DMD: variants seen among roughly 807,000 people sequenced by gnomAD.
The protein encoded by DMD is dystrophin.
In DMD, 63 loss-of-function variants were observed where a neutral mutation model predicts 330.1. The observed-to-expected ratio is 0.19, with a 90% CI of 0.16 to 0.24. The LOEUF (loss-of-function observed/expected upper bound fraction) is 0.24, where lower values mean the gene tolerates loss of function less well. Ranked by LOEUF, DMD falls within the 10% of genes least tolerant of loss-of-function variation. The pLI, the probability that DMD is intolerant of heterozygous loss-of-function variation, is 1.00. For synonymous variants in DMD, 1,223 were observed against 959.8 expected (o/e 1.27, Z -5.07); for missense variants, 3,344 against 2,684.1 (o/e 1.25, Z -5.43).
chrX:32,234,102 C>T (rs911301583), intron 43 of DMD, among the ~76,000 whole-genome samples: 3 of 111,403 alleles, frequency 2.7e-5, no homozygotes, highest in Non-Finnish European at 3.8e-5. Context: ...ACAGCAGGGA[C>T]GGCAGTGGTG....
intron 60 of DMD, among the ~76,000 whole-genome samples, chrX:31,417,355 G>T (rs888631978): frequency 9.2e-6 from 1 of 108,871 alleles, no homozygotes; most frequent in African/African-American, 3.4e-5. Context: ...GCAGTGGCGC[G>T]ATCTCGGCTC....
chrX:32,731,538 G>T (rs1211720005), intron 7 of DMD, among the ~76,000 whole-genome samples: 1 of 112,338 alleles, frequency 8.9e-6, no homozygotes, highest in Non-Finnish European at 1.9e-5. Flanking sequence ...GAGAGCAGTG[G>T]TTCTCCCAGT....
chrX:32,716,917 G>T (rs2065793488), intron 7 of DMD, among the ~76,000 whole-genome samples: 1 of 111,669 alleles, frequency 9.0e-6, no homozygotes, highest in African/African-American at 3.3e-5. Context: ...TATGGTAGAA[G>T]AAATTTCTAA....
intron 17 of DMD, among the ~76,000 whole-genome samples, chrX:32,526,902 A>C (rs1158921116): frequency 1.8e-5 from 2 of 112,018 alleles, no homozygotes; most frequent in Admixed American, 9.5e-5. Flanking sequence ...AACTAAGATG[A>C]CACATTTACA....
chrX:33,204,544 T>G (rs2148840129), intron 1 of DMD, among the ~76,000 whole-genome samples: 1 of 111,741 alleles, frequency 8.9e-6, no homozygotes, highest in South Asian at 3.7e-4. Flanking sequence ...ACATTCTTAT[T>G]ACAATGTGTG....
chrX:32,744,034 C>A (rs1463125305), intron 7 of DMD, among the ~76,000 whole-genome samples: 2 of 111,079 alleles, frequency 1.8e-5, no homozygotes, highest in Non-Finnish European at 3.8e-5. Context: ...ACCCTGTCCT[C>A]ATAAACACAC....
chrX:33,187,858 G>T (rs1317743957), intron 1 of DMD, among the ~76,000 whole-genome samples: 1 of 111,352 alleles, frequency 9.0e-6, no homozygotes, highest in Non-Finnish European at 1.9e-5. Flanking sequence ...GTATAATTAC[G>T]TATATACATA....
intron 52 of DMD, among the ~76,000 whole-genome samples, chrX:31,715,368 C>A (rs1408724020): frequency 9.5e-6 from 1 of 104,926 alleles, no homozygotes; most frequent in Non-Finnish European, 1.9e-5. Context: ...CACGGTGAAA[C>A]CCCGTCTCTA....
chrX:32,288,201 A>G (rs1387780631), intron 42 of DMD, among the ~76,000 whole-genome samples: 1 of 111,790 alleles, frequency 8.9e-6, no homozygotes, highest in Non-Finnish European at 1.9e-5. Flanking sequence ...GAGACTTTCA[A>G]ACTTAATATG....
At chrX:33,310,200 A>G (rs1285674973) in intron 1 of DMD, among the ~76,000 whole-genome samples, 1 of 111,661 alleles carries the variant, frequency 9.0e-6, no homozygotes, top group African/African-American at 3.2e-5. Flanking sequence ...ATATTCCAAT[A>G]CAGAAATAAT....
At chrX:31,991,878 C>G (rs927236953) in intron 44 of DMD, among the ~76,000 whole-genome samples, 2 of 111,498 alleles carry the variant, frequency 1.8e-5, no homozygotes, top group Admixed American at 1.9e-4. Context: ...TATTCTACAG[C>G]TATTTAAGGA....
intron 9 of DMD, among the ~76,000 whole-genome samples, chrX:32,670,090 C>A (rs981565161): frequency 3.6e-5 from 4 of 111,894 alleles, no homozygotes; most frequent in Admixed American, 9.5e-5. Flanking sequence ...ATACCTTCTG[C>A]TACCTGCTAA....
At chrX:32,369,770 A>T (rs1302056255) in intron 34 of DMD, among the ~76,000 whole-genome samples, 1 of 110,919 alleles carries the variant, frequency 9.0e-6, no homozygotes, top group Non-Finnish European at 1.9e-5. Flanking sequence ...TTTTAAACAA[A>T]TTTTATTATC....
chrX:32,557,006 G>C (rs947786252), intron 16 of DMD, among the ~76,000 whole-genome samples: 8 of 111,708 alleles, frequency 7.2e-5, no homozygotes, highest in African/African-American at 2.6e-4. Flanking sequence ...TACAATAAGT[G>C]TTTTGAATTG....
At chrX:32,582,341 G>A (rs1347131286) in intron 13 of DMD, among the ~76,000 whole-genome samples, 1 of 111,274 alleles carries the variant, frequency 9.0e-6, no homozygotes, top group African/African-American at 3.3e-5. Flanking sequence ...AAAATCAACT[G>A]TATTTCTTTA....
At chrX:31,980,481 T>C (rs1240351209) in intron 44 of DMD, among the ~76,000 whole-genome samples, 1 of 111,785 alleles carries the variant, frequency 8.9e-6, no homozygotes, top group Admixed American at 9.5e-5. Flanking sequence ...AACTAATCTA[T>C]GGTGATATAA....
chrX:31,380,920 T>A (rs1031821400), intron 60 of DMD, among the ~76,000 whole-genome samples: 4 of 110,883 alleles, frequency 3.6e-5, no homozygotes, highest in African/African-American at 1.3e-4. Flanking sequence ...CTTCCTCACC[T>A]GTTACCTATC....
chrX:33,310,057 G>A (rs2053825920), intron 1 of DMD, among the ~76,000 whole-genome samples: 1 of 110,457 alleles, frequency 9.1e-6, no homozygotes, highest in Non-Finnish European at 1.9e-5. Context: ...TAAAACCAAG[G>A]CACCTTTTTC....
intron 1 of DMD, among the ~76,000 whole-genome samples, chrX:33,284,991 A>C (rs1603428265): frequency 9.1e-6 from 1 of 110,196 alleles, no homozygotes; most frequent in African/African-American, 3.3e-5. Flanking sequence ...TCTTCAAAGC[A>C]ACATCTGTGG....
Sources: gnomAD v4.1 joint callset for allele counts (sites outside exome capture counted in the v4.1 genomes callset) on GRCh38, gnomAD v4.1.1 for gene constraint, MANE v1.5 for transcripts, NCBI Gene and HGNC (gene_info 2026-07-23, HGNC 2026-07-21) for gene names.